Variants in TSHZ3 observed in about 807,000 individuals in gnomAD.
TSHZ3 encodes teashirt homolog 3.
TSHZ3 carries 10 observed loss-of-function variants against 64.5 expected under a neutral mutation model. That is an observed-to-expected ratio of 0.16 (90% CI 0.10 to 0.26). TSHZ3 has a LOEUF of 0.26. Ranked by LOEUF, TSHZ3 falls within the 10% of genes least tolerant of loss-of-function variation. TSHZ3 has a pLI of 1.00. For synonymous variants in TSHZ3, 608 were observed against 593.1 expected, an observed-to-expected ratio of 1.03 and a Z score of -0.36; for missense variants, 1,242 against 1,421.7, an observed-to-expected ratio of 0.87 and a Z score of 2.03.
chr19:31,220,098 G>C (rs1024768504), intron 4 of TSHZ3, among the ~76,000 whole-genome samples: 1 of 152,070 alleles, frequency 6.6e-6, no homozygotes, highest in Non-Finnish European at 1.5e-5. Context: ...ACAAACAGTG[G>C]TAGAACAACT....
At position 31,276,099 on chromosome 19, in the gene TSHZ3, A is replaced by T. The variant is rs1285322659; in HGVS notation, c.*448T>A. 6.5e-6 allele frequency: 1 copy of T among 153,322 alleles called. No individual in the cohort carries two copies. The highest frequency in any genetic ancestry group is 6.5e-5 in the Admixed American group (1 of 15,300). 9.5% of individuals were successfully genotyped at this position (153,322 alleles called of 1,614,324 possible). ...GAGTTTAAAAAACAGAGCTTCATAC[A>T]TTATTATTATTTTATTTTATTTTTT... On this transcript the variant is annotated 3_prime_UTR_variant, in exon 2 of 2. Transcript: ENST00000240587.
intron 1 of TSHZ3, among the ~76,000 whole-genome samples, chr19:31,309,374 G>C (rs1243912601): frequency 7.2e-6 from 1 of 139,240 alleles, no homozygotes; most frequent in Non-Finnish European, 1.5e-5. Flanking sequence ...TAGATGGGTG[G>C]AGCCATATCT....
At chr19:31,246,228 T>C (rs753918932) in intron 1 of TSHZ3, among the ~76,000 whole-genome samples, 1 of 152,226 alleles carries the variant, frequency 6.6e-6, no homozygotes, top group Non-Finnish European at 1.5e-5. Flanking sequence ...TCTGTGGGTG[T>C]ATAAGGCTCA....
At chr19:31,171,183 C>A (rs1184396489) in intron 5 of TSHZ3, among the ~76,000 whole-genome samples, 3 of 152,074 alleles carry the variant, frequency 2.0e-5, no homozygotes, top group African/African-American at 7.2e-5. Flanking sequence ...GGTAGCCTTG[C>A]CTGGGTCTCT....
downstream of TSHZ3, among the ~76,000 whole-genome samples, chr19:31,271,083 T>C (rs535744456): frequency 2.0e-5 from 3 of 152,244 alleles, no homozygotes; most frequent in East Asian, 5.8e-4. Context: ...GTACCAAGAC[T>C]GAGTCATCAT....
At chr19:31,248,456 G>A (rs1975786791) in intron 1 of TSHZ3, among the ~76,000 whole-genome samples, 1 of 152,116 alleles carries the variant, frequency 6.6e-6, no homozygotes, top group South Asian at 2.1e-4. Context: ...CAGCCAAGAT[G>A]TCAGAGTCAA....
chr19:31,156,629 A>G (rs1974308994), intron 5 of TSHZ3, among the ~76,000 whole-genome samples: 1 of 152,216 alleles, frequency 6.6e-6, no homozygotes, highest in Non-Finnish European at 1.5e-5. Context: ...AAATGATGTT[A>G]TAAGACCAGG....
intron 1 of TSHZ3, among the ~76,000 whole-genome samples, chr19:31,314,553 T>C (rs182973768): frequency 6.6e-6 from 1 of 152,374 alleles, no homozygotes; most frequent in Admixed American, 6.5e-5. Flanking sequence ...CTTGTGATAC[T>C]ACATTCTTGT....
intron 1 of TSHZ3, among the ~76,000 whole-genome samples, chr19:31,304,351 G>A (rs1444388071): frequency 6.6e-6 from 1 of 152,118 alleles, no homozygotes; most frequent in Non-Finnish European, 1.5e-5. Context: ...GGCAAGCAGG[G>A]CCAGGACTGA....
chr19:31,205,350 C>T (rs187032345), intron 4 of TSHZ3, among the ~76,000 whole-genome samples: 24 of 152,284 alleles, frequency 1.6e-4, no homozygotes, highest in Non-Finnish European at 2.8e-4. Context: ...GCTTCCTTTC[C>T]TGCCCCTTTT....
At chr19:31,344,452 A>AG (rs1362430369) in intron 1 of TSHZ3, among the ~76,000 whole-genome samples, 3 of 152,252 alleles carry the variant, frequency 2.0e-5, no homozygotes, top group African/African-American at 7.2e-5. Context: ...AGTGACAGGC[A>AG]GGGATGAAAA....
chr19:31,170,449 T>G (rs1473143134), intron 5 of TSHZ3, among the ~76,000 whole-genome samples: 1 of 152,102 alleles, frequency 6.6e-6, no homozygotes, highest in Non-Finnish European at 1.5e-5. Flanking sequence ...AACATATGAT[T>G]TGGGGGTTTG....
At chr19:31,283,630 C>G (rs4805665) in intron 1 of TSHZ3, among the ~76,000 whole-genome samples, 78,527 of 152,022 alleles carry the variant, frequency 0.52, 20,733 homozygotes, top group East Asian at 0.82. Flanking sequence ...ATATTTGTAA[C>G]GTCCTTCCTC....
chr19:31,329,197 A>G (rs1917007757), intron 1 of TSHZ3, among the ~76,000 whole-genome samples: 1 of 152,250 alleles, frequency 6.6e-6, no homozygotes, highest in Non-Finnish European at 1.5e-5. Flanking sequence ...ACTTAAGAGA[A>G]AGAAATGTTA....
intron 5 of TSHZ3, among the ~76,000 whole-genome samples, chr19:31,177,989 T>C (rs1036185270): frequency 6.6e-6 from 1 of 152,146 alleles, no homozygotes; most frequent in African/African-American, 2.4e-5. Context: ...GGACTGGGCA[T>C]TGGTGGCTGC....
chr19:31,201,128 C>T (rs902800089), intron 5 of TSHZ3, among the ~76,000 whole-genome samples: 11 of 152,066 alleles, frequency 7.2e-5, no homozygotes, highest in African/African-American at 1.9e-4. Context: ...CTTAGTACAA[C>T]GTTAAAAGTA....
intron 1 of TSHZ3, among the ~76,000 whole-genome samples, chr19:31,253,573 G>A (rs183270558): frequency 8.0e-4 from 122 of 152,178 alleles, no homozygotes; most frequent in African/African-American, 2.7e-3. Flanking sequence ...TGTTGCCCAG[G>A]CAGGTCTCAA....
At chr19:31,283,346 A>G (rs1976399579) in intron 1 of TSHZ3, among the ~76,000 whole-genome samples, 1 of 152,164 alleles carries the variant, frequency 6.6e-6, no homozygotes, top group African/African-American at 2.4e-5. Flanking sequence ...AAATAAATAC[A>G]TAAAAATAAA....
At chr19:31,232,313 T>G (rs1975552634) in intron 3 of TSHZ3, among the ~76,000 whole-genome samples, 1 of 152,140 alleles carries the variant, frequency 6.6e-6, no homozygotes, top group South Asian at 2.1e-4. Flanking sequence ...AATGAACGCT[T>G]TTTAAAGAGC....
Sources: gnomAD v4.1 joint callset for allele counts (sites outside exome capture counted in the v4.1 genomes callset) on GRCh38, gnomAD v4.1.1 for gene constraint, MANE v1.5 for transcripts, NCBI Gene and HGNC (gene_info 2026-07-23, HGNC 2026-07-21) for gene names.